The following RNF212B variants were observed in gnomAD, a reference collection of about 807,000 sequenced individuals.
RNF212B encodes E3 ubiquitin-protein ligase RNF212B.
RNF212B carries 52 observed loss-of-function variants against 55.5 expected under a neutral mutation model. The ratio of observed to expected loss-of-function variants is 0.94; its 90% CI spans 0.75 to 1.18. RNF212B has a LOEUF of 1.18. Ranked by LOEUF, RNF212B falls within the 50% of genes most tolerant of loss-of-function variation. RNF212B has a pLI of 0.00. For missense variants in RNF212B, 289 were observed against 350.4 expected (o/e 0.82, Z 1.40); for synonymous variants, 99 against 121.4 (o/e 0.82, Z 1.21).
At chr14:23,216,879 C>CAAAAAAAAAAAAAAAAA (rs59923716) in intron 2 of RNF212B, among the ~76,000 whole-genome samples, 1 of 48,770 alleles carries the variant, frequency 2.1e-5, no homozygotes. Context: ...GACCCTGTCT[C>CAAAAAAAAAAAAAAAAA]AAAAAAAAAA....
intron 11 of RNF212B, among the ~76,000 whole-genome samples, chr14:23,265,835 G>T (rs1352065199): frequency 6.6e-6 from 1 of 152,048 alleles, no homozygotes; most frequent in Non-Finnish European, 1.5e-5. Flanking sequence ...GTTTCCTAAG[G>T]TGGAAGTTTC....
At chr14:23,263,918 T>C (rs1198655569) in intron 9 of RNF212B, among the ~76,000 whole-genome samples, 1 of 152,050 alleles carries the variant, frequency 6.6e-6, no homozygotes, top group Non-Finnish European at 1.5e-5. Flanking sequence ...TGAAACCCTG[T>C]CTCTACTAAA....
chr14:23,262,615 T>A, intron 7 of RNF212B, 50 bp from the exon 8 acceptor site: 1 of 1,501,678 alleles, frequency 6.7e-7, no homozygotes. Context: ...AAGTGGCACT[T>A]GACCTCTGCC....
intron 4 of RNF212B, among the ~76,000 whole-genome samples, chr14:23,258,312 T>G (rs1458057660): frequency 7.7e-6 from 1 of 130,462 alleles, no homozygotes; most frequent in Non-Finnish European, 1.5e-5. Flanking sequence ...CACTCTAGCC[T>G]GGGCAACAAT....
chr14:23,209,846 T>C (rs1407239828), intron 2 of RNF212B, among the ~76,000 whole-genome samples: 1 of 152,178 alleles, frequency 6.6e-6, no homozygotes, highest in African/African-American at 2.4e-5. Context: ...TTTGCCTCTG[T>C]GATTCTTTTA....
At chr14:23,271,779 C>A (rs1886104617) in intron 14 of RNF212B, among the ~76,000 whole-genome samples, 1 of 151,802 alleles carries the variant, frequency 6.6e-6, no homozygotes, top group Non-Finnish European at 1.5e-5. Flanking sequence ...ATATATGGCC[C>A]CTAATTGGAT....
At chr14:23,202,909 A>G (rs1177242398) in intron 2 of RNF212B, among the ~76,000 whole-genome samples, 2 of 150,996 alleles carry the variant, frequency 1.3e-5, no homozygotes, top group Admixed American at 6.6e-5. Flanking sequence ...CTTGGTGTCC[A>G]TTTTAGACCC....
chr14:23,210,785 A>AAAG (rs1052013438), intron 2 of RNF212B, among the ~76,000 whole-genome samples: 1 of 150,630 alleles, frequency 6.6e-6, no homozygotes, highest in Non-Finnish European at 1.5e-5. Flanking sequence ...TCAAAAAAAA[A>AAAG]AAAAAAAAAA....
chr14:23,199,853 A>C (rs181135350), intron 2 of RNF212B, among the ~76,000 whole-genome samples: 16 of 152,332 alleles, frequency 1.1e-4, no homozygotes, highest in African/African-American at 2.9e-4. Flanking sequence ...AGTCTCAGTT[A>C]GCTGGGCTTT....
In RNF212B at chr14:23,243,327, G is replaced by C; in HGVS notation, c.153+19G>C. ...TGATAATGTAAGTTTTTCTCCCCCT[G>C]CCACAAACTGTCTCATCCCATTCCT... On this transcript the variant is annotated intron_variant, in intron 3 of 14. Coordinates refer to ENST00000430154, the MANE Select transcript of RNF212B (RefSeq NM_001282322.3). 6.5e-7 allele frequency: 1 copy of C among 1,543,142 alleles called. No individual in the cohort carries two copies.
At chr14:23,244,683 C>G (rs1033662139) in intron 4 of RNF212B, among the ~76,000 whole-genome samples, 4 of 152,162 alleles carry the variant, frequency 2.6e-5, no homozygotes, top group Non-Finnish European at 5.9e-5. Flanking sequence ...GGAGCTTTAT[C>G]ATTTTTCTCA....
chr14:23,205,577 C>T (rs906541887), intron 2 of RNF212B, among the ~76,000 whole-genome samples: 1 of 152,114 alleles, frequency 6.6e-6, no homozygotes, highest in Non-Finnish European at 1.5e-5. Context: ...AAAGTTTTGA[C>T]CTAACTGACT....
Position 23,187,748 on chromosome 14 carries a change from C to T in RNF212B, c.-79+2258C>T, listed in dbSNP as rs181064509. Among the ~76,000 whole-genome samples the T allele has an allele frequency of 4.6e-5, 7 of 152,236 alleles. 1 individual carries two copies. The highest frequency in any genetic ancestry group is 8.8e-5 in the Non-Finnish European group (6 of 68,008). ...CCATCCTTCTTCTCGTAACTATGTGCCCCATATCTATGTGCTTTAGTTTAA... is the reference window on the plus strand; with the variant it reads ...CCATCCTTCTTCTCGTAACTATGTGTCCCATATCTATGTGCTTTAGTTTAA... On this transcript the variant is annotated intron_variant, in intron 1 of 15. Coordinates refer to the RNF212B transcript ENST00000399910.
intron 11 of RNF212B, among the ~76,000 whole-genome samples, chr14:23,266,314 A>G (rs1395613274): frequency 6.7e-6 from 1 of 149,494 alleles, no homozygotes; most frequent in African/African-American, 2.5e-5. Flanking sequence ...TTGTTTATCA[A>G]TGTGTTGTTC....
intron 2 of RNF212B, 39 bp downstream of exon 2, chr14:23,240,484 T>A (rs557179210): frequency 9.9e-5 from 137 of 1,380,778 alleles, no homozygotes; most frequent in Non-Finnish European, 1.3e-4. Context: ...GGGAAAAATG[T>A]TTTCATGTAA....
At chr14:23,228,491 A>G (rs1274827690) in intron 2 of RNF212B, among the ~76,000 whole-genome samples, 1 of 149,128 alleles carries the variant, frequency 6.7e-6, no homozygotes, top group African/African-American at 2.5e-5. Flanking sequence ...AAAAAAATTA[A>G]CAGGTGTGGT....
chr14:23,216,674 G>A (rs1366618850), intron 2 of RNF212B, among the ~76,000 whole-genome samples: 1 of 151,738 alleles, frequency 6.6e-6, no homozygotes, highest in African/African-American at 2.4e-5. Flanking sequence ...GAGCTTAGGA[G>A]TTCAAGACAA....
At chr14:23,188,485 G>A (rs1410337256) in intron 1 of RNF212B, among the ~76,000 whole-genome samples, 2 of 144,052 alleles carry the variant, frequency 1.4e-5, no homozygotes, top group Non-Finnish European at 1.5e-5. Flanking sequence ...TTTAGAGATA[G>A]GGTCTCACTC....
rs567426248 is a variant in RNF212B, at chr14:23,272,951, G to A, written c.*60G>A. ...AAGGATGGACTGTAGCTTCCAGTAC[G>A]CATTAGGGGTGATGGCCCTGGAAAA... On this transcript the variant is annotated 3_prime_UTR_variant, in exon 15 of 15. Transcript: ENST00000430154. 165 of 962,998 alleles carry A rather than the reference G, an allele frequency of 1.7e-4. 5 individuals carry two copies. In the South Asian group the frequency reaches 2.3e-3, roughly 13 times the overall value. The allele number at this position is 962,998 out of a possible 1,614,324, so 59.7% of individuals were successfully genotyped here.
Sources: gnomAD v4.1 joint callset for allele counts (sites outside exome capture counted in the v4.1 genomes callset) on GRCh38, gnomAD v4.1.1 for gene constraint, MANE v1.5 for transcripts, NCBI Gene and HGNC (gene_info 2026-07-23, HGNC 2026-07-21) for gene names.